The following LMO3 variants were observed in gnomAD, a reference collection of about 807,000 sequenced individuals.
LMO3 encodes the protein LIM domain only protein 3.
LMO3 carries 2 observed loss-of-function variants against 15.8 expected under a neutral mutation model. The observed-to-expected ratio is 0.13, with a 90% CI of 0.05 to 0.40. LMO3 has a LOEUF of 0.40. LMO3 is among the 10% of genes least tolerant of loss of function. The pLI is 0.99. For synonymous variants in LMO3, 62 were observed against 63.8 expected (o/e 0.97, Z 0.13); for missense variants, 86 against 182.2 (o/e 0.47, Z 3.04).
In LMO3 at chr12:16,586,285, T is replaced by C. The variant is rs1943316638; in HGVS notation, c.206+14370A>G. ...TAATCTCTGGCAAGAACACAGAGTGTTAAGATGTCATGATACGATGAAGTC... is the reference window on the plus strand; with the variant it reads ...TAATCTCTGGCAAGAACACAGAGTGCTAAGATGTCATGATACGATGAAGTC... On this transcript the variant is annotated intron_variant, in intron 2 of 3. Coordinates refer to ENST00000537304, the MANE Select transcript of LMO3 (RefSeq NM_018640.5). The surrounding 1 kb of genome is among the most constrained non-coding windows in gnomAD (Gnocchi z 4.3). Among the ~76,000 whole-genome samples the C allele has an allele frequency of 6.6e-6, 1 of 152,126 alleles. No individual in the cohort carries two copies. Among genetic ancestry groups the C allele is most frequent in the East Asian group, 1.9e-4 (1 of 5,188 alleles).
chr12:16,600,810 G>T lies in LMO3; in HGVS notation c.51C>A (p.Asn17Lys). ...DTKPKGCAGC[N>K]RKIKDRYLLK... The stretch of plus-strand genomic sequence containing the variant: ...GAAGATACCGGTCCTTGATCTTTCG[G>T]TTGCAGCCAGCACAACCTTTCGGCT... Residue 17 changes from asparagine (N) to lysine (K), a missense_variant, in exon 2 of 4, where the codon AAC becomes AAA. By Grantham distance (94) the Asn-to-Lys change is moderately conservative. Around this residue, in one of 3 missense-constraint regions of LMO3, gnomAD observed 16 missense variants for 21.8 expected, o/e 0.73. Coordinates refer to ENST00000537304, the MANE Select transcript of LMO3 (RefSeq NM_018640.5). 1 of 1,614,138 alleles carries T rather than the reference G, an allele frequency of 6.2e-7. No individual in the cohort carries two copies. The highest frequency in any genetic ancestry group is 8.5e-7 in the Non-Finnish European group (1 of 1,180,014).
At chr12:16,566,528 G>T (rs1316103391) in intron 2 of LMO3, among the ~76,000 whole-genome samples, 4 of 151,712 alleles carry the variant, frequency 2.6e-5, no homozygotes, top group African/African-American at 9.7e-5. Context: ...CTAGAAATAT[G>T]TACCATTATA....
intron 2 of LMO3, among the ~76,000 whole-genome samples, chr12:16,575,808 T>G (rs888074507): frequency 2.2e-5 from 1 of 45,608 alleles, no homozygotes; most frequent in South Asian, 1.3e-3. Context: ...TGCTTATACA[T>G]AAAGCTAAAT....
intron 1 of LMO3, chr12:16,605,317 C>G (rs572125063): frequency 8.6e-7 from 1 of 1,162,244 alleles, no homozygotes; most frequent in African/African-American, 1.6e-5. Context: ...TTCATAACAG[C>G]AATCTGAGTA....
In LMO3 at chr12:16,555,303, C is replaced by A. The variant is rs999095567; in HGVS notation, c.333-3976G>T. On this transcript the variant is annotated intron_variant, in intron 3 of 3. Transcript: ENST00000537304. This position sits in a 1 kb window ranked among gnomAD's most constrained non-coding sequence, Gnocchi z 5.5. ...CATTGCCTCCATCAACATCTTCTGA[C>A]CATGTAAATTTGCTTATTCTGATGT... Among the ~76,000 whole-genome samples the A allele has an allele frequency of 7.2e-5, 11 of 152,166 alleles. No individual in the cohort carries two copies. The highest frequency in any genetic ancestry group is 2.7e-4 in the African/African-American group (11 of 41,440).
chr12:16,607,614 TG>T (rs1457098060), upstream of LMO3: 1 of 152,188 alleles, frequency 6.6e-6, no homozygotes, highest in African/African-American at 2.4e-5. Context: ...TACAAAGCTT[TG>T]TCAGAGGTCA....
In LMO3 at chr12:16,604,967, T is replaced by G. The variant is rs954403113; in HGVS notation, c.-9+1099A>C. ...CCAAAGGTAGAAGTAGAAGGGGGTCTCCTTGATTTCGCTTAAGTGTGGACC... is the reference window on the plus strand; with the variant it reads ...CCAAAGGTAGAAGTAGAAGGGGGTCGCCTTGATTTCGCTTAAGTGTGGACC... On this transcript the variant is annotated intron_variant, in intron 1 of 3. Coordinates refer to ENST00000537304, the MANE Select transcript of LMO3 (RefSeq NM_018640.5). The surrounding 1 kb of genome is among the most constrained non-coding windows in gnomAD (Gnocchi z 5.3). 2 of 1,597,784 alleles carry G rather than the reference T, an allele frequency of 1.3e-6. No individual in the cohort carries two copies. The highest frequency in any genetic ancestry group is 2.7e-5 in the African/African-American group (2 of 74,870).
Position 16,584,978 on chromosome 12 carries a change from T to A in LMO3, c.206+15677A>T, listed in dbSNP as rs535153601. Among the ~76,000 whole-genome samples, 137 of 152,228 alleles carry A rather than the reference T, an allele frequency of 9.0e-4. No individual in the cohort carries two copies. The highest frequency in any genetic ancestry group is 1.2e-3 in the Non-Finnish European group (85 of 68,032). ...TGATTCTGACCAAAAAGTTACATAC[T>A]AGTAGCTGTGTGCCACATTAGAGTT... On this transcript the variant is annotated intron_variant, in intron 2 of 3. Coordinates refer to ENST00000537304, the MANE Select transcript of LMO3 (RefSeq NM_018640.5). This position sits in a 1 kb window ranked among gnomAD's most constrained non-coding sequence, Gnocchi z 5.2.
In LMO3 at chr12:16,596,411, T is replaced by C. The variant is rs1407802119; in HGVS notation, c.206+4244A>G. 6.6e-6 allele frequency among the ~76,000 whole-genome samples: 1 copy of C among 151,576 alleles called. No homozygotes were observed. The highest frequency in any genetic ancestry group is 1.9e-4 in the East Asian group (1 of 5,194). On this transcript the variant is annotated intron_variant, in intron 2 of 3. Coordinates refer to ENST00000537304, the MANE Select transcript of LMO3 (RefSeq NM_018640.5). This position sits in a 1 kb window ranked among gnomAD's most constrained non-coding sequence, Gnocchi z 4.3. The stretch of plus-strand genomic sequence containing the variant: ...AGCTATAAGCAGCTTCCATGGCACA[T>C]ACCACAGCAAACAGCTTTGAATAAA...
chr12:16,576,703 G>C lies in LMO3; in HGVS notation c.207-16165C>G. Among the ~76,000 whole-genome samples, 1 of 152,106 alleles carries C rather than the reference G, an allele frequency of 6.6e-6. No homozygotes were observed. Among genetic ancestry groups the C allele is most frequent in the East Asian group, 1.9e-4 (1 of 5,190 alleles). ...TCCATAACTGCTGAATTAGAATGTA[G>C]AGATATATAAATGGAAATTAACATT... On this transcript the variant is annotated intron_variant, in intron 2 of 3. Coordinates refer to ENST00000537304, the MANE Select transcript of LMO3 (RefSeq NM_018640.5). This position sits in a 1 kb window ranked among gnomAD's most constrained non-coding sequence, Gnocchi z 4.1.
chr12:16,567,168 C>T (rs1406199806), intron 2 of LMO3, among the ~76,000 whole-genome samples: 2 of 151,938 alleles, frequency 1.3e-5, no homozygotes, highest in African/African-American at 2.4e-5. Context: ...TGCACTCCAG[C>T]CTGGGCAATA....
chr12:16,561,188 TA>T (rs913685964), intron 2 of LMO3, among the ~76,000 whole-genome samples: 8 of 152,072 alleles, frequency 5.3e-5, no homozygotes, highest in African/African-American at 1.7e-4. Context: ...GTCTAGGATT[TA>T]AAAAAAATTC....
rs1442558585 is a variant in LMO3 at position 16,591,306 on chromosome 12, T to C, written c.206+9349A>G. On this transcript the variant is annotated intron_variant, in intron 2 of 3. Transcript: ENST00000537304. The surrounding 1 kb of genome is among the most constrained non-coding windows in gnomAD (Gnocchi z 4.1). ...GAGCCCAGAATGTCCTTCCCATACG[T>C]GATCATGGCTAGCTCCTTCACTTTC... Among the ~76,000 whole-genome samples, 1 of 151,988 alleles carries C rather than the reference T, an allele frequency of 6.6e-6. No homozygotes were observed. The highest frequency in any genetic ancestry group is 2.4e-5 in the African/African-American group (1 of 41,416).
chr12:16,597,333 T>C lies in LMO3; in HGVS notation c.206+3322A>G, dbSNP rs1943690625. ...CCATAATAATAGTTTCTATAACCCT[T>C]AAGAAAATATCTTACAGTCTAAATT... On this transcript the variant is annotated intron_variant, in intron 2 of 3. Transcript: ENST00000537304. The surrounding 1 kb of genome is among the most constrained non-coding windows in gnomAD (Gnocchi z 5.0). Among the ~76,000 whole-genome samples, 1 of 151,826 alleles carries C rather than the reference T, an allele frequency of 6.6e-6. No individual in the cohort carries two copies. The highest frequency in any genetic ancestry group is 1.5e-5 in the Non-Finnish European group (1 of 67,776).
chr12:16,554,500 C>T (rs1942111950), intron 3 of LMO3, among the ~76,000 whole-genome samples: 1 of 152,162 alleles, frequency 6.6e-6, no homozygotes, highest in Non-Finnish European at 1.5e-5. Flanking sequence ...CTCCACTATA[C>T]ACCTGTGAAC....
At position 16,596,470 on chromosome 12, in the gene LMO3, T is replaced by C. The variant is rs185609927; in HGVS notation, c.206+4185A>G. ...AGATATCATTCATAGAGATACAAGA[T>C]ACATACAGCCTATATAGACTTAATG... On this transcript the variant is annotated intron_variant, in intron 2 of 3. Transcript: ENST00000537304. This position sits in a 1 kb window ranked among gnomAD's most constrained non-coding sequence, Gnocchi z 4.3. Among the ~76,000 whole-genome samples the C allele has an allele frequency of 1.3e-5, 2 of 151,722 alleles. No homozygotes were observed. Among genetic ancestry groups the C allele is most frequent in the African/African-American group, 2.4e-5 (1 of 41,526 alleles).
intron 2 of LMO3, chr12:16,594,234 T>C (rs774261580): frequency 1.7e-5 from 26 of 1,532,196 alleles, no homozygotes; most frequent in Non-Finnish European, 2.2e-5. Flanking sequence ...GCAGCATGTA[T>C]GTATATAGAT....
intron 3 of LMO3, among the ~76,000 whole-genome samples, chr12:16,556,458 G>A (rs1241678331): frequency 1.3e-5 from 2 of 152,158 alleles, no homozygotes; most frequent in Non-Finnish European, 2.9e-5. Context: ...TATTATTACT[G>A]CTACTTTTTA....
At position 16,560,278 on chromosome 12, in the gene LMO3, G is replaced by T; in HGVS notation, c.332+135C>A. ...TCCTTAGTAGCTTGTCTCTGGCATGGGATTAAAGTTTACAGAACAGAAAAA... is the reference window on the plus strand; with the variant it reads ...TCCTTAGTAGCTTGTCTCTGGCATGTGATTAAAGTTTACAGAACAGAAAAA... On this transcript the variant is annotated intron_variant, in intron 3 of 3. Transcript: ENST00000537304. This position sits in a 1 kb window ranked among gnomAD's most constrained non-coding sequence, Gnocchi z 5.0. 2 of 923,474 alleles carry T rather than the reference G, an allele frequency of 2.2e-6. No individual in the cohort carries two copies. The highest frequency in any genetic ancestry group is 3.1e-6 in the Non-Finnish European group (2 of 636,586). 57.2% of individuals were successfully genotyped at this position (923,474 alleles called of 1,614,324 possible). A position where few individuals can be genotyped will look rare whatever the true frequency, so the allele number is the denominator to read the frequency against.
Sources: gnomAD v4.1 joint callset for allele counts (sites outside exome capture counted in the v4.1 genomes callset) on GRCh38, gnomAD v4.1.1 for gene constraint, gnomAD v4.1.1 regional missense constraint, Gnocchi (gnomAD v3.1) non-coding constraint, MANE v1.5 for transcripts, NCBI Gene and HGNC (gene_info 2026-07-23, HGNC 2026-07-21) for gene names.